The following DNAH2 variants were observed in gnomAD, a reference collection of about 807,000 sequenced individuals.
DNAH2 encodes axonemal beta dynein heavy chain 2.
A neutral mutation model predicts 523.5 loss-of-function variants in DNAH2; 323 were observed. The observed-to-expected ratio is 0.62, with a 90% CI of 0.56 to 0.68. The LOEUF (loss-of-function observed/expected upper bound fraction) is 0.68. DNAH2 is among the 30% of genes least tolerant of loss of function. The probability of loss-of-function intolerance (pLI) is 0.00; values close to 1 mark genes in which losing one functional copy is unlikely to be tolerated. For missense variants in DNAH2, 4,907 were observed against 5,701.5 expected (o/e 0.86, Z 4.49); for synonymous variants, 2,093 against 2,177.4 (o/e 0.96, Z 1.08).
At chr17:7,826,527 C>A (rs57326739) in intron 77 of DNAH2, among the ~76,000 whole-genome samples, 13,000 of 148,392 alleles carry the variant, frequency 0.088, 853 homozygotes, top group East Asian at 0.24. Context: ...TATCTGTGTG[C>A]CCATCATCTT....
rs144034793 is a variant in DNAH2 at position 7,755,399 on chromosome 17, G to A, written c.1905-1692G>A. The stretch of plus-strand genomic sequence containing the variant: ...ACAGGGGCTCGAGGGGAGGACAGTC[G>A]GATTTAGCCAGCACTGGCGTTTTGT... On this transcript the variant is annotated intron_variant, in intron 12 of 85. Coordinates refer to ENST00000572933, the MANE Select transcript of DNAH2 (RefSeq NM_020877.5). 1.8e-4 allele frequency among the ~76,000 whole-genome samples: 28 copies of A among 151,998 alleles called. 1 individual carries two copies. The highest frequency in any genetic ancestry group is 4.2e-4 in the South Asian group (2 of 4,802).
At position 7,789,926 on chromosome 17, in the gene DNAH2, C is replaced by T. The variant is rs369066766; in HGVS notation, c.6900+1682C>T. Among the ~76,000 whole-genome samples, 12 of 152,276 alleles carry T rather than the reference C, an allele frequency of 7.9e-5. No individual in the cohort carries two copies. In the South Asian group the frequency reaches 1.7e-3, roughly 21 times the overall value. ...CCCAAGATCGGTATTCTGGATTGGA[C>T]GCACCAAGTGTATCACATTATCTGT... On this transcript the variant is annotated intron_variant, in intron 44 of 85. Transcript: ENST00000572933.
Position 7,727,178 on chromosome 17 carries a change from A to C in DNAH2, c.285A>C (p.Thr95=). ...ALTGLADAVW[T]QEHDAILEHF... is the part of the protein sequence containing the mutation. Reference sequence around the variant, plus strand: ...CAGGACTGGCGGATGCAGTGTGGACACAGGAGCATGATGCCATTCTGGAAC... The same window carrying C: ...CAGGACTGGCGGATGCAGTGTGGACCCAGGAGCATGATGCCATTCTGGAAC... Residue 95 remains threonine (T), a synonymous_variant, in exon 4 of 86, where the codon ACA becomes ACC. Coordinates refer to ENST00000572933, the MANE Select transcript of DNAH2 (RefSeq NM_020877.5). 2 of 1,607,374 alleles carry C rather than the reference A, an allele frequency of 1.2e-6. No homozygotes were observed. Among genetic ancestry groups the C allele is most frequent in the Non-Finnish European group, 1.7e-6 (2 of 1,177,512 alleles).
At position 7,765,382 on chromosome 17, in the gene DNAH2, C is replaced by G. The variant is rs141239249; in HGVS notation, c.3337-9C>G. The stretch of plus-strand genomic sequence containing the variant: ...CTCCTGGTCATCCTCCACTCTCTGA[C>G]TCCCCCAGGTCCTGGAGATGCTGGA... On this transcript the variant is annotated splice_polypyrimidine_tract_variant and intron_variant, in intron 20 of 85. Coordinates refer to ENST00000572933, the MANE Select transcript of DNAH2 (RefSeq NM_020877.5). The G allele has an allele frequency of 5.6e-5, 90 of 1,608,826 alleles. No homozygotes were observed. In the East Asian group the frequency reaches 1.9e-3, roughly 35 times the overall value.
rs2077403348 is a variant in DNAH2 at position 7,807,611 on chromosome 17, A to T, written c.9729+25A>T. On this transcript the variant is annotated intron_variant, in intron 63 of 85. Coordinates refer to ENST00000572933, the MANE Select transcript of DNAH2 (RefSeq NM_020877.5). This position sits in a 1 kb window ranked among gnomAD's most constrained non-coding sequence, Gnocchi z 5.6. Reference sequence around the variant, plus strand: ...GGTGAGCTGATCGCCTGTCCTTTCCACGGAGGTCCCTCTCCCTGAGTTCTG... The same window carrying T: ...GGTGAGCTGATCGCCTGTCCTTTCCTCGGAGGTCCCTCTCCCTGAGTTCTG... 1 of 1,594,074 alleles carries T rather than the reference A, an allele frequency of 6.3e-7. No individual in the cohort carries two copies. Among genetic ancestry groups the T allele is most frequent in the Admixed American group, 1.7e-5 (1 of 59,946 alleles).
At chr17:7,766,209 C>T (rs2076161988) in intron 21 of DNAH2, 109 bp from the exon 22 acceptor site, 1 of 1,208,684 alleles carries the variant, frequency 8.3e-7, no homozygotes, top group Admixed American at 2.2e-5. Context: ...TCCCTTCCCT[C>T]TCTCACGTGA....
Position 7,794,305 on chromosome 17 carries a change from A to G in DNAH2, c.7621A>G (p.Ile2541Val), listed in dbSNP as rs766275482. 7 of 1,610,050 alleles carry G rather than the reference A, an allele frequency of 4.3e-6. No individual in the cohort carries two copies. In the East Asian group the frequency reaches 1.4e-4, roughly 31 times the overall value. The change falls in exon 49 of 86, where the codon ATC becomes GTC. Residue 2541 changes from isoleucine (I) to valine (V), a missense_variant. By Grantham distance (29) the Ile-to-Val change is conservative. Coordinates refer to ENST00000572933, the MANE Select transcript of DNAH2 (RefSeq NM_020877.5). ...CCCCCCTGGGGGTGGACGGACTGTC[A>G]TCTCCCCAAGGCTACGGAGTCGCTT... ...MGPPGGGRTV[I>V]SPRLRSRFNI...
Position 7,798,743 on chromosome 17 carries a change from C to G in DNAH2, c.8559+25C>G. On this transcript the variant is annotated intron_variant, in intron 55 of 85. Coordinates refer to ENST00000572933, the MANE Select transcript of DNAH2 (RefSeq NM_020877.5). The surrounding 1 kb of genome is among the most constrained non-coding windows in gnomAD (Gnocchi z 5.5). ...GGTAGGATTCCTTCCACACCCTTGA[C>G]CAGTCAGTTCTTTGGCCTGCCTAGC... The G allele has an allele frequency of 6.2e-7, 1 of 1,601,218 alleles. No individual in the cohort carries two copies. Among genetic ancestry groups the G allele is most frequent in the Non-Finnish European group, 8.5e-7 (1 of 1,174,510 alleles).
At chr17:7,752,618 GA>G (rs1473090951) in intron 12 of DNAH2, among the ~76,000 whole-genome samples, 1 of 152,150 alleles carries the variant, frequency 6.6e-6, no homozygotes, top group African/African-American at 2.4e-5. Context: ...GCTGAGGCAG[GA>G]GAATGGCGTG....
intron 12 of DNAH2, among the ~76,000 whole-genome samples, chr17:7,744,427 G>A (rs988722591): frequency 3.3e-5 from 5 of 152,058 alleles, no homozygotes; most frequent in Non-Finnish European, 7.4e-5. Context: ...AGCAAAAGGT[G>A]GCCCAACCAG....
At chr17:7,793,516 TTC>T (rs1491020769) in intron 48 of DNAH2, among the ~76,000 whole-genome samples, 6 of 108,216 alleles carry the variant, frequency 5.5e-5, no homozygotes, top group Non-Finnish European at 1.2e-4. Context: ...TCTTTCTTTC[TTC>T]TCTTTCTCTT....
rs564093352 is a variant in DNAH2 at position 7,793,451 on chromosome 17, CTTTCTT to C, written c.7569+248_7569+253del. 8.2e-3 allele frequency among the ~76,000 whole-genome samples: 445 copies of C among 54,166 alleles called. 4 individuals are homozygous for C. Among genetic ancestry groups the C allele is most frequent in the South Asian group, 0.032 (50 of 1,558 alleles). The allele number at this position is 54,166 out of a possible 152,430, so 35.5% of individuals were successfully genotyped here. A position where few individuals can be genotyped will look rare whatever the true frequency, so the allele number is the denominator to read the frequency against. The stretch of plus-strand genomic sequence containing the variant: ...GCTTGCTTTTTCTTTCTTTCTTTTT[CTTTCTT>C]TCTTTCTTTCTTTCTTTCTTTCTTT... On this transcript the variant is annotated intron_variant, in intron 48 of 85. Transcript: ENST00000572933.
chr17:7,798,458 T>A lies in DNAH2; in HGVS notation c.8399-100T>A. 6.4e-7 allele frequency: 1 copy of A among 1,551,310 alleles called. No homozygotes were observed. The highest frequency in any genetic ancestry group is 1.3e-5 in the African/African-American group (1 of 74,158). On this transcript the variant is annotated intron_variant, in intron 54 of 85. Transcript: ENST00000572933. The surrounding 1 kb of genome is among the most constrained non-coding windows in gnomAD (Gnocchi z 5.5). ...GTTGGGTGTAGGATGGTGTCGCGTG[T>A]ATGCTGCGGGGCGGGGAGGGTTCCT... is the stretch of plus-strand genomic sequence containing the variant.
At position 7,831,760 on chromosome 17, in the gene DNAH2, T is replaced by A. The variant is rs1179774522; in HGVS notation, c.12711T>A (p.Pro4237=). ...IFNCIFDAHV[P]PLWGKAYPSQ... is the part of the protein sequence containing the mutation. ...ATTGCATCTTTGATGCCCATGTTCCTCCGCTCTGGGGAAAGGCAAGATTAT... is the reference window on the plus strand; with the variant it reads ...ATTGCATCTTTGATGCCCATGTTCCACCGCTCTGGGGAAAGGCAAGATTAT... The change falls in exon 82 of 86, where the codon CCT becomes CCA. Residue 4237 remains proline, a synonymous_variant. Transcript: ENST00000572933. The surrounding 1 kb of genome is among the most constrained non-coding windows in gnomAD (Gnocchi z 4.2). 1 of 1,613,850 alleles carries A rather than the reference T, an allele frequency of 6.2e-7. No homozygotes were observed. Among genetic ancestry groups the A allele is most frequent in the Non-Finnish European group, 8.5e-7 (1 of 1,179,900 alleles).
chr17:7,741,284 T>TTC (rs1555540741), intron 11 of DNAH2, among the ~76,000 whole-genome samples: 17 of 60,670 alleles, frequency 2.8e-4, no homozygotes, highest in Admixed American at 7.5e-4. Context: ...CTTTCTTTCT[T>TTC]TCTTTCTTTC....
chr17:7,830,917 A>G, intron 79 of DNAH2, 75 bp downstream of exon 79: 1 of 1,586,102 alleles, frequency 6.3e-7, no homozygotes, highest in South Asian at 1.1e-5. Context: ...GGGTGGGGGT[A>G]ATGTTTGAGG....
intron 61 of DNAH2, among the ~76,000 whole-genome samples, chr17:7,806,341 A>G (rs1264224534): frequency 1.3e-5 from 2 of 152,166 alleles, no homozygotes; most frequent in Non-Finnish European, 2.9e-5. Flanking sequence ...GAGCATCTGT[A>G]TATTAACCAA....
At position 7,795,622 on chromosome 17, in the gene DNAH2, C is replaced by T. The variant is rs180998627; in HGVS notation, c.7675-842C>T. 3.4e-3 allele frequency among the ~76,000 whole-genome samples: 508 copies of T among 149,746 alleles called. 2 individuals carry two copies. Among genetic ancestry groups the T allele is most frequent in the Middle Eastern group, 0.011 (3 of 280 alleles). On this transcript the variant is annotated intron_variant, in intron 49 of 85. Coordinates refer to ENST00000572933, the MANE Select transcript of DNAH2 (RefSeq NM_020877.5). The stretch of plus-strand genomic sequence containing the variant: ...CCAGGAGGTCGAGCCTGCAGTGAAC[C>T]ATGATTGCACCATTGGACACCAGCT...
intron 12 of DNAH2, chr17:7,743,558 TG>T (rs1198856016): frequency 1.9e-5 from 11 of 572,136 alleles, no homozygotes; most frequent in South Asian, 4.1e-5. Flanking sequence ...CTCAGCTACT[TG>T]GGAGGGTGAG....
Sources: allele counts gnomAD v4.1 joint callset (sites outside exome capture counted in the v4.1 genomes callset), GRCh38; gene constraint gnomAD v4.1.1; non-coding constraint Gnocchi (gnomAD v3.1); transcripts MANE v1.5; gene names NCBI Gene and HGNC (gene_info 2026-07-23, HGNC 2026-07-21).